The following ALG8 variants were observed in gnomAD, a reference collection of about 807,000 sequenced individuals.
ALG8 encodes ALG8 alpha-1,3-glucosyltransferase.
Under a neutral mutation model 70.2 loss-of-function variants are expected in ALG8, and 48 were observed. The ratio of observed to expected loss-of-function variants is 0.68; its 90% CI spans 0.54 to 0.87. ALG8 has a LOEUF of 0.87. Among genes scored for constraint, ALG8 ranks in the 40% least tolerant of loss-of-function variants. The probability of loss-of-function intolerance (pLI) is 0.00; values close to 1 mark genes in which losing one functional copy is unlikely to be tolerated. For synonymous variants in ALG8, 234 were observed against 229.0 expected (o/e 1.02, Z -0.20); for missense variants, 572 against 608.7 (o/e 0.94, Z 0.64).
chr11:78,119,066 G>A lies in ALG8; in HGVS notation c.546+116C>T, dbSNP rs770883995. The A allele has an allele frequency of 1.2e-4, 88 of 752,100 alleles. No individual in the cohort carries two copies. In the Middle Eastern group the frequency reaches 1.8e-3, roughly 16 times the overall value. The allele number at this position is 752,100 out of a possible 1,614,324, so 46.6% of individuals were successfully genotyped here. A position where few individuals can be genotyped will look rare whatever the true frequency, so the allele number is the denominator to read the frequency against. On this transcript the variant is annotated intron_variant, in intron 5 of 12. Coordinates refer to ENST00000299626, the MANE Select transcript of ALG8 (RefSeq NM_024079.5). ...GAAATACCTAATAAAAGTGTCTATCGCACTTGGCAGCTCAAAACAGTCAAA... is the reference window on the plus strand; with the variant it reads ...GAAATACCTAATAAAAGTGTCTATCACACTTGGCAGCTCAAAACAGTCAAA...
chr11:78,112,397 T>C, intron 8 of ALG8: 2 of 434,412 alleles, frequency 4.6e-6, no homozygotes, highest in Non-Finnish European at 8.5e-6. Context: ...AGTGTCTACA[T>C]ATTTTATTTT....
chr11:78,132,118 A>C (rs548494188), intron 1 of ALG8, among the ~76,000 whole-genome samples: 1 of 152,082 alleles, frequency 6.6e-6, no homozygotes, highest in Non-Finnish European at 1.5e-5. Flanking sequence ...AACTCTTACC[A>C]TTTCACCAGT....
At chr11:78,126,367 C>G (rs1861077189) in intron 2 of ALG8, among the ~76,000 whole-genome samples, 1 of 150,842 alleles carries the variant, frequency 6.6e-6, no homozygotes, top group Non-Finnish European at 1.5e-5. Context: ...CCCCTCTTTA[C>G]TAAAAATACA....
At chr11:78,115,885 C>T (rs1462922188) in intron 5 of ALG8, among the ~76,000 whole-genome samples, 1 of 152,162 alleles carries the variant, frequency 6.6e-6, no homozygotes. Flanking sequence ...GAGTTGATTT[C>T]CAAAGAAGGG....
chr11:78,123,415 T>C lies in ALG8; in HGVS notation c.368+606A>G, dbSNP rs920231137. Reference sequence around the variant, plus strand: ...TTGGAAGTCACTGTGCAAGACATTCTATATATGTGTATTCAATACTTAAAA... The same window carrying C: ...TTGGAAGTCACTGTGCAAGACATTCCATATATGTGTATTCAATACTTAAAA... On this transcript the variant is annotated intron_variant, in intron 3 of 12. Transcript: ENST00000299626. 6.6e-5 allele frequency among the ~76,000 whole-genome samples: 10 copies of C among 151,196 alleles called. No homozygotes were observed. In the East Asian group the frequency reaches 1.9e-3, roughly 29 times the overall value.
chr11:78,102,639 G>C (rs866291025), intron 12 of ALG8, among the ~76,000 whole-genome samples: 10 of 152,222 alleles, frequency 6.6e-5, no homozygotes, highest in Middle Eastern at 3.4e-3. Flanking sequence ...ACACAGTTAT[G>C]AACCATAAGC....
chr11:78,112,307 GGT>G (rs1452598221), intron 8 of ALG8: 1 of 341,920 alleles, frequency 2.9e-6, no homozygotes, highest in Non-Finnish European at 5.7e-6. Context: ...GAATAGGAAT[GGT>G]GAGAAGGGGG....
At chr11:78,136,935 C>G (rs1861581973) in intron 1 of ALG8, among the ~76,000 whole-genome samples, 1 of 150,402 alleles carries the variant, frequency 6.6e-6, no homozygotes, top group South Asian at 2.1e-4. Context: ...GAGTTTCACT[C>G]TTGTTGCCCA....
At chr11:78,138,621 A>C (rs1224383531) in intron 1 of ALG8, 5 of 432,350 alleles carry the variant, frequency 1.2e-5, no homozygotes, top group Non-Finnish European at 2.3e-5. Context: ...AGTGGGAGGG[A>C]AAGGAGAAAA....
At chr11:78,128,103 C>T (rs765034330) in intron 1 of ALG8, among the ~76,000 whole-genome samples, 22 of 152,284 alleles carry the variant, frequency 1.4e-4, no homozygotes, top group Non-Finnish European at 2.4e-4. Context: ...CTGAAAAAGG[C>T]CTCATATACC....
At chr11:78,111,138 T>A (rs1432988811) in intron 8 of ALG8, among the ~76,000 whole-genome samples, 2 of 152,130 alleles carry the variant, frequency 1.3e-5, no homozygotes, top group East Asian at 3.8e-4. Flanking sequence ...TCCAAGTACT[T>A]ATCAAAAACA....
chr11:78,110,348 T>G (rs1448736732), intron 8 of ALG8, among the ~76,000 whole-genome samples: 1 of 152,160 alleles, frequency 6.6e-6, no homozygotes, highest in Non-Finnish European at 1.5e-5. Context: ...TGTGCCACCA[T>G]GCCCGGCTAA....
At chr11:78,125,186 C>T (rs1861012517) in intron 2 of ALG8, among the ~76,000 whole-genome samples, 1 of 151,850 alleles carries the variant, frequency 6.6e-6, no homozygotes, top group Admixed American at 6.6e-5. Flanking sequence ...GAGCCCGCCA[C>T]CACACCCGGC....
chr11:78,123,197 T>G (rs781099611), intron 3 of ALG8, among the ~76,000 whole-genome samples: 4 of 150,996 alleles, frequency 2.6e-5, no homozygotes, highest in Non-Finnish European at 5.9e-5. Context: ...TCCAAGCTAC[T>G]TGGGAGGCTG....
chr11:78,125,697 C>T (rs933547348), intron 2 of ALG8, among the ~76,000 whole-genome samples: 7 of 150,076 alleles, frequency 4.7e-5, no homozygotes, highest in Non-Finnish European at 8.9e-5. Context: ...GAATCGCTTA[C>T]TCAGGAGGCT....
intron 1 of ALG8, among the ~76,000 whole-genome samples, chr11:78,127,702 T>TTTTTC (rs1196984895): frequency 1.0e-4 from 14 of 139,090 alleles, no homozygotes; most frequent in South Asian, 2.3e-4. Context: ...AGACTTTCTC[T>TTTTTC]TTTTCTTTTC....
At chr11:78,121,673 A>T (rs1487860320) in intron 3 of ALG8, among the ~76,000 whole-genome samples, 1 of 152,166 alleles carries the variant, frequency 6.6e-6, no homozygotes, top group East Asian at 1.9e-4. Flanking sequence ...ATTAAAAATA[A>T]AAAGCCACGT....
rs374845869 is a variant in ALG8 at position 78,104,339 on chromosome 11, C to G, written c.1276+17G>C. ...TTGTGATAGTCAAATATATTTTTCT[C>G]AGAAGACGCTGTTTACCTGGTGCAG... On this transcript the variant is annotated intron_variant, in intron 11 of 12. Transcript: ENST00000299626. 21 of 1,554,620 alleles carry G rather than the reference C, an allele frequency of 1.4e-5. No individual in the cohort carries two copies. The African/African-American group carries it at 2.7e-4, about 20-fold the overall frequency.
intron 5 of ALG8, among the ~76,000 whole-genome samples, chr11:78,118,634 A>C (rs1459577681): frequency 2.6e-4 from 38 of 147,986 alleles, no homozygotes; most frequent in East Asian, 9.7e-4. Context: ...AAAAAAAAAA[A>C]AAACAAAAGC....
Sources: allele counts gnomAD v4.1 joint callset (sites outside exome capture counted in the v4.1 genomes callset), GRCh38; gene constraint gnomAD v4.1.1; transcripts MANE v1.5; gene names NCBI Gene and HGNC (gene_info 2026-07-23, HGNC 2026-07-21).